CTNNA3: variants seen among roughly 807,000 people sequenced by gnomAD.
CTNNA3 encodes catenin alpha 3, also known as catenin alpha-3.
Under a neutral mutation model 95.7 loss-of-function variants are expected in CTNNA3, and 76 were observed. That is an observed-to-expected ratio of 0.79 (90% CI 0.66 to 0.96). CTNNA3 has a LOEUF of 0.96. CTNNA3 is among the 40% of genes least tolerant of loss of function. The probability of loss-of-function intolerance (pLI) is 0.00; values close to 1 mark genes in which losing one functional copy is unlikely to be tolerated. For synonymous variants in CTNNA3, 431 were observed against 374.4 expected (o/e 1.15, Z -1.74); for missense variants, 1,191 against 1,089.8 (o/e 1.09, Z -1.31).
intron 14 of CTNNA3, among the ~76,000 whole-genome samples, chr10:66,089,259 G>A (rs2081118028): frequency 2.0e-5 from 3 of 151,780 alleles, no homozygotes; most frequent in Non-Finnish European, 2.9e-5. Context: ...GATTGCATTA[G>A]TCATATTCTT....
chr10:66,622,741 G>A (rs1379617019), intron 9 of CTNNA3, among the ~76,000 whole-genome samples: 2 of 152,034 alleles, frequency 1.3e-5, no homozygotes, highest in Admixed American at 1.3e-4. Flanking sequence ...TTCCTGCTAA[G>A]ATCTAAAATA....
intron 11 of CTNNA3, among the ~76,000 whole-genome samples, chr10:66,432,535 C>A (rs2093305675): frequency 6.6e-6 from 1 of 151,906 alleles, no homozygotes; most frequent in Non-Finnish European, 1.5e-5. Flanking sequence ...GTGGCAGGTG[C>A]CTGTAGTTCC....
intron 17 of CTNNA3, among the ~76,000 whole-genome samples, chr10:65,959,314 G>A (rs940014452): frequency 6.6e-6 from 1 of 152,168 alleles, no homozygotes; most frequent in African/African-American, 2.4e-5. Flanking sequence ...GGCTAGGAAA[G>A]GGAATTCCCC....
intron 13 of CTNNA3, among the ~76,000 whole-genome samples, chr10:66,188,272 C>T (rs1295178907): frequency 6.6e-6 from 1 of 152,074 alleles, no homozygotes; most frequent in Admixed American, 6.6e-5. Context: ...AGCATACTTA[C>T]CTTTTATTAA....
intron 3 of CTNNA3, among the ~76,000 whole-genome samples, chr10:67,556,438 T>C (rs1031377356): frequency 1.3e-5 from 2 of 152,206 alleles, no homozygotes; most frequent in Non-Finnish European, 2.9e-5. Context: ...CAGAGCCTGT[T>C]ATTGGTCTAT....
chr10:67,506,787 AAT>A (rs1839441537), intron 5 of CTNNA3, among the ~76,000 whole-genome samples: 1 of 152,194 alleles, frequency 6.6e-6, no homozygotes, highest in South Asian at 2.1e-4. Flanking sequence ...ACAAAAATTT[AAT>A]ATGAGTGTAT....
chr10:67,270,502 T>C (rs2132415971), intron 5 of CTNNA3, among the ~76,000 whole-genome samples: 1 of 152,268 alleles, frequency 6.6e-6, no homozygotes, highest in African/African-American at 2.4e-5. Context: ...AATACACTAA[T>C]TGCAAAGTTG....
At chr10:67,642,616 C>G (rs1301270145) in intron 2 of CTNNA3, among the ~76,000 whole-genome samples, 1 of 151,976 alleles carries the variant, frequency 6.6e-6, no homozygotes, top group African/African-American at 2.4e-5. Flanking sequence ...TACCAGGAAG[C>G]TGATGCAGGA....
At chr10:67,387,445 T>G (rs1045744592) in intron 5 of CTNNA3, among the ~76,000 whole-genome samples, 4 of 151,928 alleles carry the variant, frequency 2.6e-5, no homozygotes, top group South Asian at 2.1e-4. Flanking sequence ...AGCACGGCAG[T>G]CTGAGATCAA....
intron 3 of CTNNA3, among the ~76,000 whole-genome samples, chr10:67,565,998 T>TAC (rs1490808923): frequency 9.0e-6 from 1 of 110,732 alleles, no homozygotes; most frequent in African/African-American, 3.5e-5. Context: ...ATATATATTA[T>TAC]ATATATATAC....
At chr10:66,562,203 A>C (rs930180951) in intron 10 of CTNNA3, among the ~76,000 whole-genome samples, 3 of 152,176 alleles carry the variant, frequency 2.0e-5, no homozygotes, top group African/African-American at 7.2e-5. Flanking sequence ...CTCATTGTTC[A>C]AGGAAAACTT....
intron 7 of CTNNA3, among the ~76,000 whole-genome samples, chr10:67,171,286 AC>A (rs1380723010): frequency 2.6e-5 from 4 of 152,150 alleles, no homozygotes; most frequent in African/African-American, 9.7e-5. Flanking sequence ...ATATTTTGGT[AC>A]TTCTAGGCCA....
chr10:67,078,516 T>G (rs1012684347), intron 7 of CTNNA3, among the ~76,000 whole-genome samples: 1 of 151,596 alleles, frequency 6.6e-6, no homozygotes, highest in Non-Finnish European at 1.5e-5. Context: ...TGATACCTTT[T>G]TTATTATTAT....
chr10:66,921,484 C>T (rs1289710127), intron 7 of CTNNA3, among the ~76,000 whole-genome samples: 1 of 152,198 alleles, frequency 6.6e-6, no homozygotes, highest in African/African-American at 2.4e-5. Context: ...ATCCAAAGCC[C>T]TCCATGACCT....
intron 1 of CTNNA3, among the ~76,000 whole-genome samples, chr10:67,668,675 A>T (rs1355261600): frequency 1.3e-5 from 2 of 152,180 alleles, no homozygotes; most frequent in East Asian, 3.9e-4. Flanking sequence ...ATAACAGGAT[A>T]ACACAAGATC....
At chr10:66,075,427 T>C (rs983799059) in intron 14 of CTNNA3, among the ~76,000 whole-genome samples, 2 of 151,804 alleles carry the variant, frequency 1.3e-5, no homozygotes, top group African/African-American at 4.8e-5. Flanking sequence ...ATAGGAGTTG[T>C]GTGAGAATTA....
chr10:67,180,543 T>A, intron 6 of CTNNA3, 23 bp from the exon 7 acceptor site: 1 of 1,558,582 alleles, frequency 6.4e-7, no homozygotes, highest in Admixed American at 1.7e-5. Context: ...CACATTTGTA[T>A]GGTTAGAGCT....
chr10:66,362,920 C>A (rs1384322736), intron 12 of CTNNA3, among the ~76,000 whole-genome samples: 2 of 152,106 alleles, frequency 1.3e-5, no homozygotes, highest in Non-Finnish European at 2.9e-5. Context: ...TTCTTGATAT[C>A]TTTTTAATTC....
At chr10:66,169,040 C>T (rs1318678333) in intron 13 of CTNNA3, among the ~76,000 whole-genome samples, 2 of 152,088 alleles carry the variant, frequency 1.3e-5, no homozygotes, top group Non-Finnish European at 2.9e-5. Context: ...TTCTCATGTA[C>T]CAATTAATTG....
Sources: gnomAD v4.1 joint callset for allele counts (sites outside exome capture counted in the v4.1 genomes callset) on GRCh38, gnomAD v4.1.1 for gene constraint, MANE v1.5 for transcripts, NCBI Gene and HGNC (gene_info 2026-07-23, HGNC 2026-07-21) for gene names.